BCKDHB: variants seen among roughly 807,000 people sequenced by gnomAD.
BCKDHB encodes branched chain keto acid dehydrogenase E1 subunit beta.
Under a neutral mutation model 48.5 loss-of-function variants are expected in BCKDHB, and 41 were observed. The observed-to-expected ratio is 0.85, with a 90% CI of 0.66 to 1.10. The LOEUF is 1.10. Among genes scored for constraint, BCKDHB ranks in the 50% least tolerant of loss-of-function variants. BCKDHB has a pLI of 0.00. For synonymous variants in BCKDHB, 201 were observed against 174.8 expected (o/e 1.15, Z -1.18); for missense variants, 496 against 494.2 (o/e 1.00, Z -0.03).
intron 2 of BCKDHB, 144 bp from the exon 3 acceptor site, chr6:80,129,017 A>G: frequency 1.5e-6 from 1 of 656,786 alleles, no homozygotes; most frequent in Non-Finnish European, 2.6e-6. Context: ...TCAATAATGT[A>G]GAAGTTGAGA....
chr6:80,312,121 C>G (rs922712639), intron 9 of BCKDHB, among the ~76,000 whole-genome samples: 1 of 152,154 alleles, frequency 6.6e-6, no homozygotes, highest in Non-Finnish European at 1.5e-5. Context: ...TTGTAGTTCT[C>G]ATTGAAGAGG....
chr6:80,108,215 T>C lies in BCKDHB; in HGVS notation c.196+1326T>C, dbSNP rs561607819. On this transcript the variant is annotated intron_variant, in intron 1 of 9. Transcript: ENST00000320393. The stretch of plus-strand genomic sequence containing the variant: ...TGATCAGATTCCAGAGCTTCCATTC[T>C]AAACAATGTACTAAGATGCGTGTAG... 2.0e-5 allele frequency among the ~76,000 whole-genome samples: 3 copies of C among 152,200 alleles called. No homozygotes were observed. The South Asian group carries it at 6.2e-4, about 32-fold the overall frequency.
intron 3 of BCKDHB, among the ~76,000 whole-genome samples, chr6:80,149,130 GACAA>G (rs1315052939): frequency 8.5e-5 from 13 of 152,050 alleles, no homozygotes; most frequent in Non-Finnish European, 1.8e-4. Flanking sequence ...ACAAGAAAAA[GACAA>G]ACAACCCCAT....
chr6:80,249,975 A>T (rs761955750), intron 8 of BCKDHB, among the ~76,000 whole-genome samples: 1 of 152,152 alleles, frequency 6.6e-6, no homozygotes, highest in Non-Finnish European at 1.5e-5. Context: ...TAGAATGTAG[A>T]TTCTGTGAGG....
intron 8 of BCKDHB, among the ~76,000 whole-genome samples, chr6:80,240,988 A>G (rs1467964703): frequency 2.6e-5 from 4 of 151,456 alleles, no homozygotes; most frequent in Non-Finnish European, 5.9e-5. Context: ...TTCTCACTTC[A>G]CTTCATTCAT....
chr6:80,358,884 G>T, the BCKDHB span, among the ~76,000 whole-genome samples: 1 of 152,258 alleles, frequency 6.6e-6, no homozygotes, highest in African/African-American at 2.4e-5. Flanking sequence ...AAAATAAATT[G>T]ATTTTTTAAA....
At chr6:80,366,398 C>T in the BCKDHB span, among the ~76,000 whole-genome samples, 1 of 152,142 alleles carries the variant, frequency 6.6e-6, no homozygotes, top group Non-Finnish European at 1.5e-5. Flanking sequence ...CTGTCTAGTG[C>T]AACCCTAGCA....
At chr6:80,433,577 G>C in the BCKDHB span, among the ~76,000 whole-genome samples, 1 of 152,232 alleles carries the variant, frequency 6.6e-6, no homozygotes, top group Non-Finnish European at 1.5e-5. Context: ...TTTCAAGCCA[G>C]TGGATCTTAG....
chr6:80,140,746 G>A (rs1771159278), intron 3 of BCKDHB, among the ~76,000 whole-genome samples: 1 of 152,154 alleles, frequency 6.6e-6, no homozygotes, highest in Non-Finnish European at 1.5e-5. Flanking sequence ...GTTCATCAAG[G>A]ATATTGGTCT....
At chr6:80,401,534 G>T in the BCKDHB span, among the ~76,000 whole-genome samples, 6 of 151,834 alleles carry the variant, frequency 4.0e-5, no homozygotes, top group African/African-American at 1.4e-4. Flanking sequence ...TCCTGGTGGG[G>T]TGTGATCTAA....
At chr6:80,189,965 G>C (rs1773816912) in intron 6 of BCKDHB, among the ~76,000 whole-genome samples, 1 of 152,076 alleles carries the variant, frequency 6.6e-6, no homozygotes, top group South Asian at 2.1e-4. Context: ...TTCTGGCTAT[G>C]TAAATAAACT....
chr6:80,368,777 G>A, the BCKDHB span, among the ~76,000 whole-genome samples: 1 of 151,964 alleles, frequency 6.6e-6, no homozygotes, highest in African/African-American at 2.4e-5. Flanking sequence ...TTGGGAGGCC[G>A]AGGCGGGCGG....
intron 9 of BCKDHB, among the ~76,000 whole-genome samples, chr6:80,342,441 C>T (rs1252778050): frequency 6.6e-6 from 1 of 150,404 alleles, no homozygotes; most frequent in East Asian, 2.0e-4. Flanking sequence ...TATTTTCAGT[C>T]TGGGCTTGGG....
At chr6:80,409,751 C>G in the BCKDHB span, among the ~76,000 whole-genome samples, 1 of 150,964 alleles carries the variant, frequency 6.6e-6, no homozygotes, top group East Asian at 2.0e-4. Context: ...GCAACCCCTG[C>G]TGCTTTTTGC....
intron 9 of BCKDHB, among the ~76,000 whole-genome samples, chr6:80,294,677 G>A (rs1396462638): frequency 6.6e-6 from 1 of 152,136 alleles, no homozygotes; most frequent in African/African-American, 2.4e-5. Context: ...ATACACCCTG[G>A]TCTCCTGCAG....
chr6:80,433,259 C>G, the BCKDHB span, among the ~76,000 whole-genome samples: 8 of 152,140 alleles, frequency 5.3e-5, no homozygotes, highest in Admixed American at 1.3e-4. Context: ...AATCTGTGTC[C>G]GCAGCCACCC....
rs139562335 is a variant in BCKDHB at position 80,306,765 on chromosome 6, G to A, written c.1038+33544G>A. Among the ~76,000 whole-genome samples the A allele has an allele frequency of 8.0e-3, 1,225 of 152,274 alleles. 29 individuals are homozygous for A. The highest frequency in any genetic ancestry group is 0.067 in the Admixed American group (1,022 of 15,290). On this transcript the variant is annotated intron_variant, in intron 9 of 9. Transcript: ENST00000320393. ...TTTTTTCATGGAGTCTTACAGCTGTGGATTCATAGCAGGCTTGAGTACTCT... is the reference window on the plus strand; with the variant it reads ...TTTTTTCATGGAGTCTTACAGCTGTAGATTCATAGCAGGCTTGAGTACTCT...
chr6:80,223,381 A>G (rs927838076), intron 8 of BCKDHB, among the ~76,000 whole-genome samples: 3 of 152,140 alleles, frequency 2.0e-5, no homozygotes, highest in Non-Finnish European at 2.9e-5. Flanking sequence ...TCTAATCATT[A>G]ATTTTCCTTT....
chr6:80,200,889 C>G (rs570517959), intron 6 of BCKDHB, 45 bp from the exon 7 acceptor site: 10 of 1,438,538 alleles, frequency 7.0e-6, no homozygotes, highest in Non-Finnish European at 9.8e-6. Flanking sequence ...ACAAGTGTCA[C>G]CTCAGAAAAA....
Sources: gnomAD v4.1 joint callset for allele counts (sites outside exome capture counted in the v4.1 genomes callset) on GRCh38, gnomAD v4.1.1 for gene constraint, MANE v1.5 for transcripts, NCBI Gene and HGNC (gene_info 2026-07-23, HGNC 2026-07-21) for gene names.